The following PCSK5 variants were observed in gnomAD, a reference collection of about 807,000 sequenced individuals.
The protein encoded by PCSK5 is prohormone convertase 5.
Under a neutral mutation model 233.2 loss-of-function variants are expected in PCSK5, and 129 were observed. That is an observed-to-expected ratio of 0.55 (90% CI 0.48 to 0.64). PCSK5 has a LOEUF of 0.64. Among genes scored for constraint, PCSK5 ranks in the 30% least tolerant of loss-of-function variants. The probability of loss-of-function intolerance (pLI) is 0.00; values close to 1 mark genes in which losing one functional copy is unlikely to be tolerated. For synonymous variants in PCSK5, 825 were observed against 879.2 expected (o/e 0.94, Z 1.09); for missense variants, 2,076 against 2,430.1 (o/e 0.85, Z 3.06).
intron 3 of PCSK5, among the ~76,000 whole-genome samples, chr9:76,015,469 AT>A (rs1371577948): frequency 1.3e-5 from 2 of 152,212 alleles, no homozygotes; most frequent in African/African-American, 4.8e-5. Flanking sequence ...ATGAATGATT[AT>A]TTTTATTATG....
intron 24 of PCSK5, among the ~76,000 whole-genome samples, chr9:76,244,136 G>A (rs1297346416): frequency 6.6e-6 from 1 of 152,138 alleles, no homozygotes; most frequent in Non-Finnish European, 1.5e-5. Flanking sequence ...TGAGGTGGGA[G>A]GATCACCTGA....
chr9:75,984,531 A>C (rs1303957472), intron 2 of PCSK5, among the ~76,000 whole-genome samples: 1 of 152,244 alleles, frequency 6.6e-6, no homozygotes, highest in Non-Finnish European at 1.5e-5. Context: ...TTAGGATAAT[A>C]CTTATAGACA....
chr9:75,933,411 T>C (rs1170513569), intron 2 of PCSK5, among the ~76,000 whole-genome samples: 1 of 152,170 alleles, frequency 6.6e-6, no homozygotes, highest in Non-Finnish European at 1.5e-5. Context: ...TCCTTACGAT[T>C]TGGGTTTGCC....
At chr9:76,240,916 G>A (rs1034801900) in intron 24 of PCSK5, among the ~76,000 whole-genome samples, 2 of 152,196 alleles carry the variant, frequency 1.3e-5, no homozygotes, top group East Asian at 3.9e-4. Context: ...GTTTAGAAAA[G>A]GAGGCCATGG....
intron 24 of PCSK5, among the ~76,000 whole-genome samples, chr9:76,282,352 C>CTT (rs34892445): frequency 4.1e-4 from 54 of 131,070 alleles, no homozygotes; most frequent in East Asian, 1.3e-3. Context: ...TTTCTTCTGT[C>CTT]TTTTTTTTTT....
intron 7 of PCSK5, among the ~76,000 whole-genome samples, chr9:76,090,217 T>G (rs984716406): frequency 2.6e-5 from 4 of 152,184 alleles, no homozygotes; most frequent in Non-Finnish European, 5.9e-5. Context: ...TAGTACTCCA[T>G]GCACCCTCCC....
intron 2 of PCSK5, among the ~76,000 whole-genome samples, chr9:75,976,411 G>T (rs1198418090): frequency 6.6e-6 from 1 of 151,992 alleles, no homozygotes; most frequent in Non-Finnish European, 1.5e-5. Flanking sequence ...CTAGGAATAA[G>T]GGAGCTATCC....
At chr9:76,354,659 C>T (rs1830251612) in intron 37 of PCSK5, among the ~76,000 whole-genome samples, 1 of 152,104 alleles carries the variant, frequency 6.6e-6, no homozygotes, top group Non-Finnish European at 1.5e-5. Flanking sequence ...TACCTGTAAT[C>T]CCAGCTACCA....
At chr9:76,136,004 G>T (rs1822957453) in intron 10 of PCSK5, among the ~76,000 whole-genome samples, 1 of 152,054 alleles carries the variant, frequency 6.6e-6, no homozygotes, top group African/African-American at 2.4e-5. Flanking sequence ...AGGGGTTTGT[G>T]CACTGCTTTA....
rs563572688 is a variant in PCSK5 at position 76,148,200 on chromosome 9, G to A, written c.1313-8845G>A. ...TAGGATTCATGCTCTAGATCAACCC[G>A]GTCTAGATCTCTCTTTGTTTTTAAT... On this transcript the variant is annotated intron_variant, in intron 10 of 37. Coordinates refer to ENST00000674117, the MANE Select transcript of PCSK5 (RefSeq NM_001372043.1). Among the ~76,000 whole-genome samples the A allele has an allele frequency of 6.0e-5, 9 of 150,416 alleles. No homozygotes were observed. In the South Asian group the frequency reaches 1.3e-3, roughly 21 times the overall value.
chr9:75,950,337 A>G (rs1433266565), intron 2 of PCSK5, among the ~76,000 whole-genome samples: 3 of 152,216 alleles, frequency 2.0e-5, no homozygotes, highest in South Asian at 2.1e-4. Flanking sequence ...AACCAAAAAG[A>G]CATATTAACC....
chr9:76,133,871 A>G (rs536645209), intron 9 of PCSK5, among the ~76,000 whole-genome samples: 9 of 152,142 alleles, frequency 5.9e-5, no homozygotes, highest in African/African-American at 2.2e-4. Context: ...CCCTGACTAC[A>G]GTCTTATTAT....
chr9:75,944,852 G>A (rs1298840943), intron 2 of PCSK5, among the ~76,000 whole-genome samples: 1 of 152,148 alleles, frequency 6.6e-6, no homozygotes, highest in African/African-American at 2.4e-5. Context: ...GCTCACGCCT[G>A]TAATCCCAGC....
intron 25 of PCSK5, among the ~76,000 whole-genome samples, chr9:76,293,887 G>A (rs940629098): frequency 2.0e-5 from 3 of 152,196 alleles, no homozygotes; most frequent in East Asian, 1.9e-4. Flanking sequence ...TGAATACAGC[G>A]AGTGAAATGC....
chr9:76,111,535 C>T (rs1312877853), intron 9 of PCSK5, among the ~76,000 whole-genome samples: 2 of 152,084 alleles, frequency 1.3e-5, no homozygotes, highest in Admixed American at 1.3e-4. Context: ...ATGTGGTACC[C>T]TCAGAACATT....
chr9:76,215,184 G>T (rs1380773506), intron 20 of PCSK5, among the ~76,000 whole-genome samples: 1 of 152,172 alleles, frequency 6.6e-6, no homozygotes, highest in East Asian at 1.9e-4. Context: ...GAGAGGAATT[G>T]GCCTTCCCCA....
chr9:76,101,986 A>C (rs559704209), intron 8 of PCSK5, among the ~76,000 whole-genome samples: 2 of 152,142 alleles, frequency 1.3e-5, no homozygotes, highest in Non-Finnish European at 2.9e-5. Flanking sequence ...GTGAATCCAG[A>C]TGTGTTTTTG....
At chr9:75,939,742 T>C (rs901139165) in intron 2 of PCSK5, among the ~76,000 whole-genome samples, 2 of 152,222 alleles carry the variant, frequency 1.3e-5, no homozygotes, top group Non-Finnish European at 2.9e-5. Context: ...TACATAAGCA[T>C]AGCTTCCCCT....
intron 2 of PCSK5, among the ~76,000 whole-genome samples, chr9:75,965,368 G>A (rs566812323): frequency 3.3e-5 from 5 of 151,628 alleles, no homozygotes; most frequent in African/African-American, 9.7e-5. Flanking sequence ...GAGGTCCCAC[G>A]ATTTGCGTCT....
Sources: allele counts gnomAD v4.1 joint callset (sites outside exome capture counted in the v4.1 genomes callset), GRCh38; gene constraint gnomAD v4.1.1; transcripts MANE v1.5; gene names NCBI Gene and HGNC (gene_info 2026-07-23, HGNC 2026-07-21).